PCDH15: variants seen among roughly 807,000 people sequenced by gnomAD.
PCDH15 encodes protocadherin-15.
PCDH15 carries 129 observed loss-of-function variants against 178.5 expected under a neutral mutation model. The ratio of observed to expected loss-of-function variants is 0.72; its 90% CI spans 0.63 to 0.84. PCDH15 has a LOEUF of 0.84. PCDH15 is among the 40% of genes least tolerant of loss of function. The pLI is 0.00. For missense variants in PCDH15, 2,230 were observed against 2,099.9 expected, an observed-to-expected ratio of 1.06 and a Z score of -1.21; for synonymous variants, 800 against 732.0, an observed-to-expected ratio of 1.09 and a Z score of -1.50.
intron 17 of PCDH15, among the ~76,000 whole-genome samples, chr10:54,073,126 T>C (rs761252485): frequency 6.6e-6 from 1 of 151,888 alleles, no homozygotes; most frequent in African/African-American, 2.4e-5. Flanking sequence ...AGATTATATA[T>C]GTATGTGTGT....
At chr10:55,052,649 G>T (rs1197639385) in intron 2 of PCDH15, among the ~76,000 whole-genome samples, 4 of 151,530 alleles carry the variant, frequency 2.6e-5, no homozygotes, top group Non-Finnish European at 5.9e-5. Context: ...CCGGGAGGCG[G>T]AGGTTGTGGT....
intron 3 of PCDH15, among the ~76,000 whole-genome samples, chr10:54,820,646 GT>G (rs1275443187): frequency 6.6e-6 from 1 of 151,928 alleles, no homozygotes; most frequent in African/African-American, 2.4e-5. Flanking sequence ...GTTCAACTTT[GT>G]TTTAGAGTTC....
intron 2 of PCDH15, among the ~76,000 whole-genome samples, chr10:55,494,547 A>G (rs993711567): frequency 2.0e-5 from 3 of 151,504 alleles, no homozygotes; most frequent in Non-Finnish European, 4.4e-5. Flanking sequence ...TATTGTTAAG[A>G]GGATATTTTC....
intron 2 of PCDH15, among the ~76,000 whole-genome samples, chr10:54,568,886 G>A (rs904435755): frequency 6.6e-6 from 1 of 151,922 alleles, no homozygotes; most frequent in Non-Finnish European, 1.5e-5. Flanking sequence ...TAAGATCTTA[G>A]TAAACCTCAC....
At chr10:55,442,234 G>C (rs1276113309) in intron 2 of PCDH15, among the ~76,000 whole-genome samples, 1 of 151,692 alleles carries the variant, frequency 6.6e-6, no homozygotes, top group Non-Finnish European at 1.5e-5. Flanking sequence ...ATGTTAAAAA[G>C]AACAATATAC....
At chr10:54,749,311 A>AAT (rs1945880840) in intron 1 of PCDH15, among the ~76,000 whole-genome samples, 1 of 152,168 alleles carries the variant, frequency 6.6e-6, no homozygotes, top group African/African-American at 2.4e-5. Context: ...ACTAAGAAGA[A>AAT]ATATATATTA....
At chr10:54,108,171 G>T (rs957840274) in intron 15 of PCDH15, among the ~76,000 whole-genome samples, 2 of 152,130 alleles carry the variant, frequency 1.3e-5, no homozygotes, top group African/African-American at 4.8e-5. Flanking sequence ...ACAAGAAAAT[G>T]TCAGGTGAGC....
chr10:55,601,948 G>T (rs189130325), intron 2 of PCDH15, among the ~76,000 whole-genome samples: 4 of 152,160 alleles, frequency 2.6e-5, no homozygotes, highest in Non-Finnish European at 4.4e-5. Context: ...CGCAGAAGAC[G>T]GGTGATTTCT....
At chr10:54,916,106 A>C (rs1008603285) in intron 2 of PCDH15, among the ~76,000 whole-genome samples, 1 of 148,446 alleles carries the variant, frequency 6.7e-6, no homozygotes, top group Non-Finnish European at 1.5e-5. Flanking sequence ...CAAGTAGCTC[A>C]GCTTACGGGC....
intron 27 of PCDH15, among the ~76,000 whole-genome samples, chr10:53,862,858 G>T (rs1229402215): frequency 1.3e-5 from 2 of 152,166 alleles, no homozygotes; most frequent in African/African-American, 4.8e-5. Flanking sequence ...TAATGAAAAG[G>T]TGTTTAGGAC....
At chr10:53,909,481 A>T (rs565688683) in intron 25 of PCDH15, among the ~76,000 whole-genome samples, 1 of 152,312 alleles carries the variant, frequency 6.6e-6, no homozygotes, top group Admixed American at 6.5e-5. Context: ...ATTCCTGTAA[A>T]TTAAATGAGG....
intron 3 of PCDH15, among the ~76,000 whole-genome samples, chr10:54,496,206 C>A (rs1178067256): frequency 6.6e-6 from 1 of 151,984 alleles, no homozygotes; most frequent in Admixed American, 6.6e-5. Context: ...CAGGGGCTGG[C>A]AATTTTTTCA....
intron 1 of PCDH15, among the ~76,000 whole-genome samples, chr10:54,684,291 A>G (rs1243399132): frequency 6.6e-6 from 1 of 151,818 alleles, no homozygotes; most frequent in East Asian, 1.9e-4. Flanking sequence ...GAAAAAATGT[A>G]TTGTAGGTAT....
intron 2 of PCDH15, among the ~76,000 whole-genome samples, chr10:54,934,067 G>C (rs543381602): frequency 1.3e-5 from 2 of 152,060 alleles, no homozygotes; most frequent in Non-Finnish European, 2.9e-5. Flanking sequence ...CTAAAATAAC[G>C]TCATGTATAT....
intron 21 of PCDH15, among the ~76,000 whole-genome samples, chr10:53,980,787 C>T (rs2090572689): frequency 6.6e-6 from 1 of 152,162 alleles, no homozygotes; most frequent in African/African-American, 2.4e-5. Flanking sequence ...CAATAATTTT[C>T]ATATACTCTA....
chr10:55,131,045 T>G (rs1207424413), intron 2 of PCDH15, among the ~76,000 whole-genome samples: 1 of 151,986 alleles, frequency 6.6e-6, no homozygotes, highest in African/African-American at 2.4e-5. Flanking sequence ...TAAAAAAAAA[T>G]GCCCGAAGTT....
chr10:54,857,486 C>G (rs570946702), intron 3 of PCDH15, among the ~76,000 whole-genome samples: 65 of 152,266 alleles, frequency 4.3e-4, no homozygotes, highest in African/African-American at 1.5e-3. Context: ...AACCCTGTCA[C>G]TCAGGCTGAA....
At chr10:54,699,423 C>T (rs1467590527) in intron 1 of PCDH15, among the ~76,000 whole-genome samples, 2 of 152,046 alleles carry the variant, frequency 1.3e-5, no homozygotes, top group African/African-American at 4.8e-5. Flanking sequence ...GTGACTCTAT[C>T]AAGACCCATA....
At chr10:55,602,562 T>C (rs1843112116) in intron 2 of PCDH15, among the ~76,000 whole-genome samples, 2 of 152,086 alleles carry the variant, frequency 1.3e-5, no homozygotes, top group African/African-American at 4.8e-5. Flanking sequence ...GACTGCCTCC[T>C]CAAGTGGGTC....
Sources: allele counts gnomAD v4.1 joint callset (sites outside exome capture counted in the v4.1 genomes callset), GRCh38; gene constraint gnomAD v4.1.1; transcripts MANE v1.5; gene names NCBI Gene and HGNC (gene_info 2026-07-23, HGNC 2026-07-21).